ITPR1: variants seen among roughly 807,000 people sequenced by gnomAD.
ITPR1 encodes inositol 1,4,5-trisphosphate receptor type 1.
In ITPR1, 96 loss-of-function variants were observed where a neutral mutation model predicts 318.4. The observed-to-expected ratio is 0.30, with a 90% CI of 0.26 to 0.36. The LOEUF is 0.36. Ranked by LOEUF, ITPR1 falls within the 10% of genes least tolerant of loss-of-function variation. The probability of loss-of-function intolerance (pLI) is 1.00; values close to 1 mark genes in which losing one functional copy is unlikely to be tolerated. For synonymous variants in ITPR1, 1,312 were observed against 1,289.9 expected (o/e 1.02, Z -0.37); for missense variants, 2,440 against 3,460.2 (o/e 0.71, Z 7.40).
At chr3:4,749,129 A>G (rs2044317665) in intron 44 of ITPR1, 1 of 152,266 alleles carries the variant, frequency 6.6e-6, no homozygotes, top group African/African-American at 2.4e-5. Context: ...GGTTAGTATT[A>G]GGTAACCTTG....
In ITPR1 at chr3:4,667,375, A is replaced by G. The variant is rs2093974246; in HGVS notation, c.1714-2A>G. The G allele has an allele frequency of 6.2e-7, 1 of 1,600,644 alleles. No individual in the cohort carries two copies. Among genetic ancestry groups the G allele is most frequent in the Non-Finnish European group, 8.5e-7 (1 of 1,172,832 alleles). ...TGACGTCTCTTTTCTCTCCTTATAA[A>G]GGAGTATATAGCCAAGCAGTTTGGC... On this transcript the variant is annotated splice_acceptor_variant, in intron 17 of 61. Coordinates refer to ENST00000649015, the MANE Select transcript of ITPR1 (RefSeq NM_001378452.1). LOFTEE classifies it high-confidence loss of function.
chr3:4,655,770 C>T lies in ITPR1; in HGVS notation c.996+1884C>T, dbSNP rs925898959. On this transcript the variant is annotated intron_variant, in intron 12 of 61. Transcript: ENST00000649015. ...CAGCAGCCTTGGGTGCAGATCTAGA[C>T]TGCATCACTCTGGCTACTTCGATGT... 1.7e-4 allele frequency among the ~76,000 whole-genome samples: 26 copies of T among 152,240 alleles called. No individual in the cohort carries two copies. The East Asian group carries it at 4.8e-3, about 28-fold the overall frequency.
At chr3:4,521,756 C>G (rs1357812761) in intron 4 of ITPR1, among the ~76,000 whole-genome samples, 2 of 152,144 alleles carry the variant, frequency 1.3e-5, no homozygotes, top group Non-Finnish European at 2.9e-5. Context: ...GTAGTCCCAG[C>G]TACTCAGGAG....
intron 4 of ITPR1, among the ~76,000 whole-genome samples, chr3:4,545,558 A>T (rs1387663210): frequency 6.7e-6 from 1 of 149,878 alleles, no homozygotes; most frequent in Non-Finnish European, 1.5e-5. Context: ...AGGAGACTGA[A>T]GCTGAAGTGA....
At chr3:4,571,903 C>A (rs750024001) in intron 4 of ITPR1, among the ~76,000 whole-genome samples, 1 of 152,180 alleles carries the variant, frequency 6.6e-6, no homozygotes, top group Non-Finnish European at 1.5e-5. Context: ...ACTCTTATGA[C>A]CCCTTGTGGC....
chr3:4,757,358 A>G (rs1433736246), intron 44 of ITPR1, among the ~76,000 whole-genome samples: 1 of 152,190 alleles, frequency 6.6e-6, no homozygotes, highest in Non-Finnish European at 1.5e-5. Flanking sequence ...ATATTAACAA[A>G]TGTATTAAAC....
chr3:4,768,909 TTCTTTTTTC>T (rs2045998225), intron 46 of ITPR1, 145 bp downstream of exon 46: 1 of 737,862 alleles, frequency 1.4e-6, no homozygotes, highest in Non-Finnish European at 2.1e-6. Context: ...TTTTTCTTTT[TTCTTTTTTC>T]TTTTTTTTTG....
chr3:4,509,167 C>CT (rs1239025560), intron 2 of ITPR1, among the ~76,000 whole-genome samples: 2 of 152,084 alleles, frequency 1.3e-5, no homozygotes, highest in Non-Finnish European at 2.9e-5. Flanking sequence ...AGGTTGCCCC[C>CT]TTTTTTACAG....
chr3:4,799,444 G>C (rs1022447928), intron 53 of ITPR1, among the ~76,000 whole-genome samples: 1 of 152,128 alleles, frequency 6.6e-6, no homozygotes, highest in Non-Finnish European at 1.5e-5. Context: ...CTCCGCAGGC[G>C]TGGACTCAAT....
chr3:4,667,677 G>C, intron 18 of ITPR1, 128 bp downstream of exon 18: 1 of 800,442 alleles, frequency 1.2e-6, no homozygotes, highest in Non-Finnish European at 1.9e-6. Flanking sequence ...GTCTGGAGAG[G>C]CTTTTTGATG....
At chr3:4,723,342 C>A (rs979706894) in intron 40 of ITPR1, among the ~76,000 whole-genome samples, 2 of 152,142 alleles carry the variant, frequency 1.3e-5, no homozygotes, top group African/African-American at 4.8e-5. Context: ...GAAGGGATCA[C>A]ATTGAAAAGT....
intron 23 of ITPR1, among the ~76,000 whole-genome samples, chr3:4,676,170 T>C (rs2125219605): frequency 7.1e-6 from 1 of 140,074 alleles, no homozygotes; most frequent in Non-Finnish European, 1.5e-5. Flanking sequence ...AGAGAGAACC[T>C]ATCTCTACCA....
Position 4,707,064 on chromosome 3 carries a change from G to A in ITPR1, c.4842+713G>A, listed in dbSNP as rs112742575. 3.0e-3 allele frequency among the ~76,000 whole-genome samples: 451 copies of A among 152,290 alleles called. 2 individuals carry two copies. Among genetic ancestry groups the A allele is most frequent in the African/African-American group, 0.01 (432 of 41,562 alleles). ...GTTAAATTTAAATCCTGGCTCTGCC[G>A]CTTAGAAATGGTGTAATCTTGGGAA... On this transcript the variant is annotated intron_variant, in intron 37 of 61. Transcript: ENST00000649015.
chr3:4,696,657 G>C (rs1415855542), intron 33 of ITPR1, among the ~76,000 whole-genome samples: 1 of 144,706 alleles, frequency 6.9e-6, no homozygotes, highest in Non-Finnish European at 1.5e-5. Context: ...AATTGAAGTT[G>C]AGCCCCTTGC....
intron 45 of ITPR1, chr3:4,768,237 G>T: frequency 2.9e-6 from 1 of 342,282 alleles, no homozygotes. Flanking sequence ...AACCTTAGAT[G>T]TGTGAGGCTG....
intron 44 of ITPR1, among the ~76,000 whole-genome samples, chr3:4,753,484 C>G (rs1007546911): frequency 6.6e-6 from 1 of 152,052 alleles, no homozygotes; most frequent in African/African-American, 2.4e-5. Flanking sequence ...TCTCTGTGGC[C>G]GTGTGGAAGT....
At chr3:4,818,656 AC>A (rs2049467335) in intron 60 of ITPR1, among the ~76,000 whole-genome samples, 1 of 152,072 alleles carries the variant, frequency 6.6e-6, no homozygotes. Context: ...GTGACTGCTC[AC>A]TGCAGTCCAG....
At chr3:4,585,994 C>T (rs2089857877) in intron 4 of ITPR1, among the ~76,000 whole-genome samples, 1 of 148,824 alleles carries the variant, frequency 6.7e-6, no homozygotes, top group African/African-American at 2.5e-5. Context: ...TGTTCAATTC[C>T]CACTTATGAG....
Position 4,683,746 on chromosome 3 carries a change from C to G in ITPR1, c.3446C>G (p.Pro1149Arg). ...CTTTGGGTGTACAAAGGGCAGGGCCCCGATGAGACTATGGATGGTGCATCT... is the reference window on the plus strand; with the variant it reads ...CTTTGGGTGTACAAAGGGCAGGGCCGCGATGAGACTATGGATGGTGCATCT... ...SELWVYKGQG[P>R]DETMDGASGE... Residue 1149 changes from proline to arginine, a missense_variant, in exon 28 of 62, where the codon CCC (proline) becomes CGC (arginine). Transcript: ENST00000649015. The G allele has an allele frequency of 6.2e-7, 1 of 1,613,936 alleles. No individual in the cohort carries two copies. The highest frequency in any genetic ancestry group is 8.5e-7 in the Non-Finnish European group (1 of 1,179,888).
Sources: gnomAD v4.1 joint callset for allele counts (sites outside exome capture counted in the v4.1 genomes callset) on GRCh38, gnomAD v4.1.1 for gene constraint, MANE v1.5 for transcripts, NCBI Gene and HGNC (gene_info 2026-07-23, HGNC 2026-07-21) for gene names.